The following CCDC149 variants were observed in gnomAD, a reference collection of about 807,000 sequenced individuals.
The protein encoded by CCDC149 is coiled-coil domain containing 149.
CCDC149 carries 45 observed loss-of-function variants against 59.9 expected under a neutral mutation model. That is an observed-to-expected ratio of 0.75 (90% CI 0.59 to 0.96). CCDC149 has a LOEUF of 0.96. Among genes scored for constraint, CCDC149 ranks in the 40% least tolerant of loss-of-function variants. CCDC149 has a pLI of 0.00. For synonymous variants in CCDC149, 245 were observed against 260.6 expected, an observed-to-expected ratio of 0.94 and a Z score of 0.58; for missense variants, 584 against 664.7, an observed-to-expected ratio of 0.88 and a Z score of 1.33.
intron 1 of CCDC149, among the ~76,000 whole-genome samples, chr4:24,958,877 T>A (rs1268133444): frequency 6.6e-6 from 1 of 151,816 alleles, no homozygotes; most frequent in Non-Finnish European, 1.5e-5. Flanking sequence ...ACTAAAATTA[T>A]AGCCAGGTGT....
chr4:24,945,366 AC>A (rs1327756197), intron 1 of CCDC149, among the ~76,000 whole-genome samples: 2 of 152,190 alleles, frequency 1.3e-5, no homozygotes, highest in East Asian at 3.9e-4. Flanking sequence ...AGATCCAGAG[AC>A]ACATAAGGAG....
At chr4:24,815,002 GC>G (rs1361498672) in intron 12 of CCDC149, among the ~76,000 whole-genome samples, 3 of 152,142 alleles carry the variant, frequency 2.0e-5, no homozygotes, top group African/African-American at 7.2e-5. Flanking sequence ...ATTAAATCTG[GC>G]CAGAAGTAAT....
Position 24,840,006 on chromosome 4 carries a change from A to T in CCDC149, c.373-1734T>A, listed in dbSNP as rs376442527. Among the ~76,000 whole-genome samples the T allele has an allele frequency of 4.7e-4, 72 of 152,296 alleles. No individual in the cohort carries two copies. The East Asian group carries it at 8.1e-3, about 17-fold the overall frequency. On this transcript the variant is annotated intron_variant, in intron 4 of 12. Transcript: ENST00000635206. The stretch of plus-strand genomic sequence containing the variant: ...TCGTTGCCAGTCGAGAAAATGGCTT[A>T]ATTTTCAGAGTCTCTGAAGGATTTA...
Position 24,850,141 on chromosome 4 carries a change from T to G in CCDC149, c.372+2931A>C, listed in dbSNP as rs373243805. Among the ~76,000 whole-genome samples, 12 of 152,366 alleles carry G rather than the reference T, an allele frequency of 7.9e-5. No homozygotes were observed. In the East Asian group the frequency reaches 2.3e-3, roughly 29 times the overall value. On this transcript the variant is annotated intron_variant, in intron 4 of 12. Coordinates refer to ENST00000635206, the MANE Select transcript of CCDC149 (RefSeq NM_001330643.2). The stretch of plus-strand genomic sequence containing the variant: ...TATTTCTTGCATACTTTTTTTTTCT[T>G]TTTCTCTTACTCTTCCTTGAATCAT...
At chr4:24,968,617 G>A (rs1375438784) in intron 1 of CCDC149, among the ~76,000 whole-genome samples, 1 of 152,240 alleles carries the variant, frequency 6.6e-6, no homozygotes, top group Non-Finnish European at 1.5e-5. Flanking sequence ...AGTGGGTCAT[G>A]GTACAAAGAT....
intron 1 of CCDC149, among the ~76,000 whole-genome samples, chr4:24,973,108 A>C (rs929058729): frequency 5.3e-5 from 8 of 152,312 alleles, no homozygotes; most frequent in African/African-American, 1.9e-4. Flanking sequence ...CAATCAGAAG[A>C]TCTTGGAATC....
chr4:24,902,634 T>C (rs3846335), intron 1 of CCDC149, among the ~76,000 whole-genome samples: 17,020 of 152,210 alleles, frequency 0.11, 1,048 homozygotes, highest in African/African-American at 0.15. Context: ...TTTTCCCCAC[T>C]CCATCAAGCC....
Position 24,852,284 on chromosome 4 carries a change from CCATACACA to C in CCDC149, c.372+780_372+787del, listed in dbSNP as rs60643490. Reference sequence around the variant, plus strand: ...CCAAGAACTGCTCCCCTCCAACACACCATACACACACACACACACACACACACACACAC... The same window carrying C: ...CCAAGAACTGCTCCCCTCCAACACACCACACACACACACACACACACACAC... On this transcript the variant is annotated intron_variant, in intron 4 of 12. Transcript: ENST00000635206. Among the ~76,000 whole-genome samples the C allele has an allele frequency of 8.1e-3, 889 of 109,348 alleles. 5 individuals carry two copies. The highest frequency in any genetic ancestry group is 0.011 in the South Asian group (41 of 3,678). 71.7% of individuals were successfully genotyped at this position (109,348 alleles called of 152,430 possible).
At chr4:24,861,714 T>G (rs913926706) in intron 3 of CCDC149, among the ~76,000 whole-genome samples, 3 of 152,192 alleles carry the variant, frequency 2.0e-5, no homozygotes, top group Non-Finnish European at 4.4e-5. Flanking sequence ...GACCATGATG[T>G]TAAGGGAACC....
At chr4:24,884,829 T>A (rs1720061456) in intron 1 of CCDC149, among the ~76,000 whole-genome samples, 1 of 152,256 alleles carries the variant, frequency 6.6e-6, no homozygotes, top group Non-Finnish European at 1.5e-5. Flanking sequence ...TGATCATTAC[T>A]ACTATTGTTA....
chr4:24,919,421 G>A (rs1288855541), intron 1 of CCDC149, among the ~76,000 whole-genome samples: 1 of 152,144 alleles, frequency 6.6e-6, no homozygotes, highest in Non-Finnish European at 1.5e-5. Flanking sequence ...GTAAAACTAG[G>A]TCCATTGGGT....
intron 3 of CCDC149, among the ~76,000 whole-genome samples, chr4:24,872,720 C>A (rs1422074011): frequency 6.7e-6 from 1 of 150,146 alleles, no homozygotes; most frequent in Non-Finnish European, 1.5e-5. Context: ...ACAGCATGCA[C>A]CCGCCAAATG....
Position 24,953,252 on chromosome 4 carries a change from T to C in CCDC149, c.-65+26817A>G, listed in dbSNP as rs979583485. 1.3e-4 allele frequency among the ~76,000 whole-genome samples: 20 copies of C among 152,312 alleles called. No individual in the cohort carries two copies. In the South Asian group the frequency reaches 4.2e-3, roughly 32 times the overall value. On this transcript the variant is annotated intron_variant, in intron 1 of 12. Transcript: ENST00000389609. ...AACACAGATTCCTGATTTTGGAGGATGGGGCCCTTTTTGCCCACCCTGGCT... is the reference window on the plus strand; with the variant it reads ...AACACAGATTCCTGATTTTGGAGGACGGGGCCCTTTTTGCCCACCCTGGCT...
At chr4:24,912,208 G>A (rs1236138214) in intron 1 of CCDC149, among the ~76,000 whole-genome samples, 1 of 152,196 alleles carries the variant, frequency 6.6e-6, no homozygotes, top group Admixed American at 6.5e-5. Flanking sequence ...GGTGTTCTGT[G>A]CTTCCACAAA....
At chr4:24,918,154 G>A (rs1483062153) in intron 1 of CCDC149, among the ~76,000 whole-genome samples, 1 of 152,092 alleles carries the variant, frequency 6.6e-6, no homozygotes, top group Non-Finnish European at 1.5e-5. Context: ...GATATGGGTG[G>A]AAAAGGAGAA....
chr4:24,908,989 G>A (rs149813693), intron 1 of CCDC149, among the ~76,000 whole-genome samples: 6 of 152,310 alleles, frequency 3.9e-5, no homozygotes, highest in East Asian at 1.9e-4. Context: ...CTCAGGTGGC[G>A]ATAAGAATAT....
intron 12 of CCDC149, among the ~76,000 whole-genome samples, chr4:24,813,528 A>ATATATATATATATATATG (rs1560197749): frequency 7.7e-6 from 1 of 129,852 alleles, no homozygotes; most frequent in Non-Finnish European, 1.7e-5. Context: ...ATATATATAT[A>ATATATATATATATATATG]AAACCTAAAA....
At chr4:24,832,500 T>C (rs1007708018) in intron 8 of CCDC149, among the ~76,000 whole-genome samples, 19 of 152,332 alleles carry the variant, frequency 1.2e-4, no homozygotes, top group African/African-American at 4.3e-4. Flanking sequence ...CACAGTTCCA[T>C]GTCATTGAAG....
intron 3 of CCDC149, among the ~76,000 whole-genome samples, chr4:24,866,806 T>A (rs1371208222): frequency 0.011 from 754 of 65,920 alleles, 6 homozygotes; most frequent in African/African-American, 0.038. Flanking sequence ...AAAAAAAAAA[T>A]ATACACACAC....
Sources: gnomAD v4.1 joint callset for allele counts (sites outside exome capture counted in the v4.1 genomes callset) on GRCh38, gnomAD v4.1.1 for gene constraint, MANE v1.5 for transcripts, NCBI Gene and HGNC (gene_info 2026-07-23, HGNC 2026-07-21) for gene names.